GTF2F2: variants seen among roughly 807,000 people sequenced by gnomAD.
GTF2F2 encodes the protein ATP-dependent helicase GTF2F2.
Under a neutral mutation model 42.2 loss-of-function variants are expected in GTF2F2, and 23 were observed. The observed-to-expected ratio is 0.55, with a 90% CI of 0.39 to 0.77. The LOEUF is 0.77. GTF2F2 is among the 30% of genes least tolerant of loss of function. The pLI, the probability that GTF2F2 is intolerant of heterozygous loss-of-function variation, is 0.00. For missense variants in GTF2F2, 261 were observed against 287.2 expected, an observed-to-expected ratio of 0.91 and a Z score of 0.66; for synonymous variants, 105 against 100.8, an observed-to-expected ratio of 1.04 and a Z score of -0.25.
At chr13:45,216,644 A>G (rs1243582220) in intron 5 of GTF2F2, among the ~76,000 whole-genome samples, 1 of 151,814 alleles carries the variant, frequency 6.6e-6, no homozygotes, top group African/African-American at 2.4e-5. Flanking sequence ...CAGCCTCCAG[A>G]GTAGCTGGGA....
chr13:45,203,004 T>C lies in GTF2F2; in HGVS notation c.305-4420T>C, dbSNP rs558971028. Among the ~76,000 whole-genome samples, 92 of 152,188 alleles carry C rather than the reference T, an allele frequency of 6.0e-4. 1 individual carries two copies. The highest frequency in any genetic ancestry group is 1.1e-3 in the Non-Finnish European group (72 of 68,028). ...AAATAAATGTACATTTAGTTGCTGA[T>C]GTATATGTAAGACAAGGCCTTTGCT... On this transcript the variant is annotated intron_variant, in intron 4 of 7. Coordinates refer to ENST00000340473, the MANE Select transcript of GTF2F2 (RefSeq NM_004128.3).
intron 4 of GTF2F2, among the ~76,000 whole-genome samples, chr13:45,199,749 T>C (rs963475700): frequency 1.3e-5 from 2 of 152,226 alleles, no homozygotes; most frequent in African/African-American, 4.8e-5. Context: ...GGCATAACTT[T>C]GAAAACTCTT....
chr13:45,240,101 A>ATATT (rs1875207000), intron 5 of GTF2F2, among the ~76,000 whole-genome samples: 1 of 91,104 alleles, frequency 1.1e-5, no homozygotes, highest in African/African-American at 5.3e-5. Flanking sequence ...ATGTAGAGGG[A>ATATT]TTTTTTTTTT....
chr13:45,134,656 A>T (rs1043553149), intron 1 of GTF2F2, among the ~76,000 whole-genome samples: 6 of 152,164 alleles, frequency 3.9e-5, no homozygotes, highest in African/African-American at 9.7e-5. Flanking sequence ...AGTGTAGTGG[A>T]AGTTTTGTTG....
At chr13:45,242,767 C>A (rs1875382737) in intron 5 of GTF2F2, among the ~76,000 whole-genome samples, 1 of 152,060 alleles carries the variant, frequency 6.6e-6, no homozygotes, top group South Asian at 2.1e-4. Context: ...GTCATTTATT[C>A]ATTTGCTTAA....
intron 4 of GTF2F2, among the ~76,000 whole-genome samples, chr13:45,203,181 A>G (rs1429341164): frequency 4.0e-5 from 6 of 151,508 alleles, no homozygotes; most frequent in African/African-American, 4.9e-5. Context: ...AGTTCAAACA[A>G]TTCTCATGCC....
intron 5 of GTF2F2, among the ~76,000 whole-genome samples, chr13:45,227,323 G>T (rs912352951): frequency 6.6e-6 from 1 of 152,162 alleles, no homozygotes; most frequent in African/African-American, 2.4e-5. Context: ...GTAAGATACA[G>T]TTTCCAGGTT....
chr13:45,222,605 T>C (rs372483912), intron 5 of GTF2F2, among the ~76,000 whole-genome samples: 5 of 151,002 alleles, frequency 3.3e-5, no homozygotes, highest in East Asian at 1.9e-4. Flanking sequence ...ACATTTTTTT[T>C]CCCCTCAGAA....
At position 45,127,938 on chromosome 13, in the gene GTF2F2, C is replaced by CTTTTTT. The variant is rs1161627204; in HGVS notation, c.66+7243_66+7248dup. On this transcript the variant is annotated intron_variant, in intron 1 of 7. Transcript: ENST00000340473. ...GAGCCACTGTGCCTGGCACCCCGGC[C>CTTTTTT]TTTTTTTTTTTTTTTTTTTTTTTTT... is the stretch of plus-strand genomic sequence containing the variant. Among the ~76,000 whole-genome samples, 412 of 48,614 alleles carry CTTTTTT rather than the reference C, an allele frequency of 8.5e-3. 11 individuals carry two copies. Among genetic ancestry groups the CTTTTTT allele is most frequent in the Non-Finnish European group, 9.9e-3 (263 of 26,528 alleles). 31.9% of individuals were successfully genotyped at this position (48,614 alleles called of 152,430 possible). A position where few individuals can be genotyped will look rare whatever the true frequency, so the allele number is the denominator to read the frequency against.
intron 4 of GTF2F2, chr13:45,206,818 T>C (rs1315430911): frequency 6.6e-6 from 1 of 152,214 alleles, no homozygotes; most frequent in African/African-American, 2.4e-5. Flanking sequence ...CAAATATTCA[T>C]AGCAGTTAAA....
chr13:45,128,619 T>A (rs1251452294), intron 1 of GTF2F2, among the ~76,000 whole-genome samples: 5 of 151,602 alleles, frequency 3.3e-5, no homozygotes, highest in Non-Finnish European at 7.4e-5. Context: ...TGAGAAAGAG[T>A]CTCGCTCTGT....
At chr13:45,238,578 C>T (rs990320586) in intron 5 of GTF2F2, among the ~76,000 whole-genome samples, 2 of 151,900 alleles carry the variant, frequency 1.3e-5, no homozygotes, top group South Asian at 2.1e-4. Flanking sequence ...TTTTGGAATC[C>T]GAACTTTCGA....
At chr13:45,180,020 C>G (rs1290467713) in intron 4 of GTF2F2, among the ~76,000 whole-genome samples, 2 of 151,984 alleles carry the variant, frequency 1.3e-5, no homozygotes, top group Admixed American at 6.6e-5. Flanking sequence ...TTTAAAAACT[C>G]CATGTTTTTC....
At chr13:45,135,569 C>T (rs1463767112) in intron 1 of GTF2F2, among the ~76,000 whole-genome samples, 1 of 152,186 alleles carries the variant, frequency 6.6e-6, no homozygotes, top group Non-Finnish European at 1.5e-5. Context: ...TGTTCAGTAA[C>T]TTTTAATGTG....
At chr13:45,179,141 C>T (rs1167341450) in intron 4 of GTF2F2, among the ~76,000 whole-genome samples, 18 of 152,204 alleles carry the variant, frequency 1.2e-4, no homozygotes, top group Admixed American at 1.2e-3. Flanking sequence ...CAGCAAGTCA[C>T]AGGACCTGCT....
At chr13:45,238,941 T>C (rs1438403897) in intron 5 of GTF2F2, among the ~76,000 whole-genome samples, 1 of 115,810 alleles carries the variant, frequency 8.6e-6, no homozygotes, top group African/African-American at 4.0e-5. Flanking sequence ...CGAAATTCCA[T>C]CTCGAAAAAA....
intron 4 of GTF2F2, among the ~76,000 whole-genome samples, chr13:45,205,170 A>AT (rs1873362148): frequency 6.6e-6 from 1 of 152,208 alleles, no homozygotes; most frequent in Non-Finnish European, 1.5e-5. Flanking sequence ...GTAGTTTATA[A>AT]AGGAAACAGG....
At chr13:45,245,958 T>C (rs1332440821) in intron 5 of GTF2F2, among the ~76,000 whole-genome samples, 1 of 145,246 alleles carries the variant, frequency 6.9e-6, no homozygotes, top group East Asian at 2.0e-4. Flanking sequence ...AAAAAAAAAG[T>C]ATTCCCTTTT....
intron 5 of GTF2F2, among the ~76,000 whole-genome samples, chr13:45,220,544 A>G (rs1052538059): frequency 6.6e-6 from 1 of 152,110 alleles, no homozygotes; most frequent in African/African-American, 2.4e-5. Context: ...CTTTGACTAG[A>G]TAAAGAGTGG....
Sources: gnomAD v4.1 joint callset for allele counts (sites outside exome capture counted in the v4.1 genomes callset) on GRCh38, gnomAD v4.1.1 for gene constraint, MANE v1.5 for transcripts, NCBI Gene and HGNC (gene_info 2026-07-23, HGNC 2026-07-21) for gene names.